The following CFAP70 variants were observed in gnomAD, a reference collection of about 807,000 sequenced individuals.
The protein encoded by CFAP70 is cilia- and flagella-associated protein 70.
In CFAP70, 81 loss-of-function variants were observed where a neutral mutation model predicts 137.6. The ratio of observed to expected loss-of-function variants is 0.59; its 90% CI spans 0.49 to 0.71. CFAP70 has a LOEUF of 0.71. Ranked by LOEUF, CFAP70 falls within the 30% of genes least tolerant of loss-of-function variation. CFAP70 has a pLI of 0.00. For synonymous variants in CFAP70, 382 were observed against 423.6 expected, an observed-to-expected ratio of 0.90 and a Z score of 1.20; for missense variants, 976 against 1,226.7, an observed-to-expected ratio of 0.80 and a Z score of 3.05.
intron 22 of CFAP70, chr10:73,274,835 G>GAAGAA (rs2046577775): frequency 2.1e-6 from 1 of 474,546 alleles, no homozygotes; most frequent in South Asian, 3.5e-5. Context: ...CATTTTGGGT[G>GAAGAA]TGGAGTAAAT....
intron 3 of CFAP70, among the ~76,000 whole-genome samples, chr10:73,349,262 G>C (rs2053988526): frequency 6.6e-6 from 1 of 152,028 alleles, no homozygotes; most frequent in South Asian, 2.1e-4. Flanking sequence ...GCTCTAGGGT[G>C]GGCGAGGTGG....
intron 19 of CFAP70, among the ~76,000 whole-genome samples, chr10:73,282,266 C>T (rs1160112558): frequency 6.6e-6 from 1 of 152,174 alleles, no homozygotes; most frequent in African/African-American, 2.4e-5. Context: ...CCCTGAAAAT[C>T]CCCCTCACAC....
intron 9 of CFAP70, 45 bp downstream of exon 10, chr10:73,322,918 T>C (rs760082192): frequency 2.6e-6 from 4 of 1,531,712 alleles, no homozygotes; most frequent in Middle Eastern, 1.7e-4. Context: ...AACAGATATA[T>C]AAAGGATAAA....
At chr10:73,310,637 A>G (rs1482084704) in intron 11 of CFAP70, among the ~76,000 whole-genome samples, 1 of 152,172 alleles carries the variant, frequency 6.6e-6, no homozygotes, top group East Asian at 1.9e-4. Flanking sequence ...TCCCACTCAC[A>G]GTCTCCTCAC....
intron 3 of CFAP70, among the ~76,000 whole-genome samples, chr10:73,349,957 C>T (rs1393645180): frequency 3.3e-5 from 5 of 152,202 alleles, no homozygotes; most frequent in African/African-American, 9.6e-5. Flanking sequence ...AATCAGTTTA[C>T]CACATCTAGC....
intron 7 of CFAP70, among the ~76,000 whole-genome samples, chr10:73,335,060 C>CTTTTTTT (rs547226854): frequency 3.4e-5 from 4 of 118,348 alleles, no homozygotes; most frequent in Non-Finnish European, 5.2e-5. Flanking sequence ...TCTTCTTCTT[C>CTTTTTTT]TTTTTTTTTT....
chr10:73,268,345 T>C (rs528336331), intron 25 of CFAP70, among the ~76,000 whole-genome samples: 32 of 152,358 alleles, frequency 2.1e-4, no homozygotes, highest in African/African-American at 7.7e-4. Flanking sequence ...CCATGTGATC[T>C]GTATGTATTT....
chr10:73,336,049 G>A (rs1032410789), intron 6 of CFAP70, among the ~76,000 whole-genome samples: 7 of 151,582 alleles, frequency 4.6e-5, no homozygotes, highest in Admixed American at 4.6e-4. Flanking sequence ...GCTGAGGCAG[G>A]AGGATTGCTT....
chr10:73,309,473 A>G (rs1395783216), intron 12 of CFAP70, among the ~76,000 whole-genome samples: 1 of 151,926 alleles, frequency 6.6e-6, no homozygotes, highest in Non-Finnish European at 1.5e-5. Context: ...GGATGTTTTT[A>G]TTTTTTAATT....
At chr10:73,359,227 T>C (rs1324290520), upstream of CFAP70, among the ~76,000 whole-genome samples, 1 of 152,196 alleles carries the variant, frequency 6.6e-6, no homozygotes, top group Non-Finnish European at 1.5e-5. Flanking sequence ...TAATACAAAT[T>C]TTTAATATTC....
intron 24 of CFAP70, among the ~76,000 whole-genome samples, chr10:73,272,264 G>A (rs71471621): frequency 1.3e-5 from 2 of 152,206 alleles, no homozygotes; most frequent in Middle Eastern, 3.4e-3. Context: ...GAACCCAGGA[G>A]GCAGAGGTTG....
At chr10:73,336,754 T>G (rs1171940568) in intron 6 of CFAP70, among the ~76,000 whole-genome samples, 1 of 151,744 alleles carries the variant, frequency 6.6e-6, no homozygotes, top group Non-Finnish European at 1.5e-5. Flanking sequence ...CCCGGCTAAT[T>G]TTTTGTATTT....
intron 26 of CFAP70, among the ~76,000 whole-genome samples, chr10:73,255,898 G>T (rs937176761): frequency 6.6e-6 from 1 of 152,100 alleles, no homozygotes; most frequent in Non-Finnish European, 1.5e-5. Context: ...ATTCACTTAT[G>T]TATCACCTAT....
chr10:73,262,312 A>T (rs3998306), intron 25 of CFAP70, among the ~76,000 whole-genome samples: 2 of 151,870 alleles, frequency 1.3e-5, no homozygotes, highest in Admixed American at 1.3e-4. Flanking sequence ...TCCAGCATAT[A>T]CCCACTGTAG....
intron 3 of CFAP70, among the ~76,000 whole-genome samples, chr10:73,352,804 C>A (rs2132541519): frequency 6.6e-6 from 1 of 152,238 alleles, no homozygotes; most frequent in South Asian, 2.1e-4. Context: ...TAACTATATC[C>A]CACAAATTCT....
chr10:73,343,592 C>G (rs2053462527), intron 5 of CFAP70, among the ~76,000 whole-genome samples: 2 of 152,072 alleles, frequency 1.3e-5, no homozygotes, highest in South Asian at 4.1e-4. Context: ...ACCTGTAGTT[C>G]CAGCTACTCA....
chr10:73,357,996 C>T (rs2054798361), intron 1 of CFAP70, among the ~76,000 whole-genome samples: 1 of 152,264 alleles, frequency 6.6e-6, no homozygotes, highest in African/African-American at 2.4e-5. Flanking sequence ...CTATGTGCCC[C>T]TAGGCAAATG....
chr10:73,323,120 T>C (rs746292871), intron 8 of CFAP70, 23 bp from the exon 10 acceptor site: 4 of 1,594,718 alleles, frequency 2.5e-6, no homozygotes, highest in East Asian at 4.5e-5. Flanking sequence ...AACCAGAGAG[T>C]TGTTAGTGCT....
intron 9 of CFAP70, among the ~76,000 whole-genome samples, chr10:73,317,317 C>T (rs957931809): frequency 6.6e-6 from 1 of 152,102 alleles, no homozygotes; most frequent in African/African-American, 2.4e-5. Flanking sequence ...CGCACCCAGC[C>T]CTGCCTTTGT....
Sources: gnomAD v4.1 joint callset for allele counts (sites outside exome capture counted in the v4.1 genomes callset) on GRCh38, gnomAD v4.1.1 for gene constraint, MANE v1.5 for transcripts, NCBI Gene and HGNC (gene_info 2026-07-23, HGNC 2026-07-21) for gene names.